The following CHSY1 variants were observed in gnomAD, a reference collection of about 807,000 sequenced individuals.
CHSY1 encodes the protein chondroitin sulfate synthase 1, also known as N-acetylgalactosaminyl-proteoglycan 3-beta-glucuronosyltransferase 1.
In CHSY1, 13 loss-of-function variants were observed where a neutral mutation model predicts 59.8. The observed-to-expected ratio is 0.22, with a 90% CI of 0.14 to 0.35. CHSY1 has a LOEUF of 0.35. Ranked by LOEUF, CHSY1 falls within the 10% of genes least tolerant of loss-of-function variation. The pLI, the probability that CHSY1 is intolerant of heterozygous loss-of-function variation, is 1.00. For missense variants in CHSY1, 947 were observed against 1,030.6 expected (o/e 0.92, Z 1.11); for synonymous variants, 459 against 401.2 (o/e 1.14, Z -1.72).
intron 2 of CHSY1, among the ~76,000 whole-genome samples, chr15:101,217,799 G>A (rs532411127): frequency 6.6e-6 from 1 of 152,282 alleles, no homozygotes; most frequent in African/African-American, 2.4e-5. Flanking sequence ...AAATCACATA[G>A]ATATTCCAAC....
rs35949707 is a variant in CHSY1 at position 101,237,055 on chromosome 15, T to TA, written c.321-1479dup. Among the ~76,000 whole-genome samples the TA allele has an allele frequency of 5.8e-3, 833 of 142,536 alleles. 11 individuals are homozygous for TA. The highest frequency in any genetic ancestry group is 0.018 in the African/African-American group (708 of 39,140). 93.5% of individuals were successfully genotyped at this position (142,536 alleles called of 152,430 possible). A position where few individuals can be genotyped will look rare whatever the true frequency, so the allele number is the denominator to read the frequency against. ...CAACATGGTGAAACCCCATCTCTAC[T>TA]AAAAAAAAAAATACAAAATTTAGCC... On this transcript the variant is annotated intron_variant, in intron 1 of 2. Transcript: ENST00000254190.
intron 2 of CHSY1, 21 bp from the exon 3 acceptor site, chr15:101,179,001 G>T: frequency 6.2e-7 from 1 of 1,611,982 alleles, no homozygotes; most frequent in South Asian, 1.1e-5. Context: ...AAAAAAAAGA[G>T]ATCACAAATT....
chr15:101,243,905 G>A (rs1300185710), intron 1 of CHSY1, among the ~76,000 whole-genome samples: 1 of 152,206 alleles, frequency 6.6e-6, no homozygotes, highest in East Asian at 1.9e-4. Flanking sequence ...GCCGAGCAAA[G>A]TGTAACAGTC....
chr15:101,205,890 T>C (rs959144810), intron 2 of CHSY1, among the ~76,000 whole-genome samples: 2 of 151,554 alleles, frequency 1.3e-5, no homozygotes, highest in African/African-American at 4.9e-5. Context: ...AGGCGGAGCT[T>C]GCAGTGAGCC....
chr15:101,217,749 A>T (rs1400516680), intron 2 of CHSY1, among the ~76,000 whole-genome samples: 1 of 152,226 alleles, frequency 6.6e-6, no homozygotes, highest in African/African-American at 2.4e-5. Context: ...CTGAACAAAT[A>T]AATGAGGAAG....
chr15:101,186,224 G>A (rs1453807357), intron 2 of CHSY1, among the ~76,000 whole-genome samples: 1 of 151,798 alleles, frequency 6.6e-6, no homozygotes, highest in East Asian at 1.9e-4. Context: ...AGAGGCTGAG[G>A]TGGGAGAATC....
intron 2 of CHSY1, among the ~76,000 whole-genome samples, chr15:101,205,290 T>A (rs2038613851): frequency 6.6e-6 from 1 of 152,132 alleles, no homozygotes; most frequent in African/African-American, 2.4e-5. Flanking sequence ...TTATAACCAA[T>A]AATTTCCAGT....
rs765253915 is a variant in CHSY1, at chr15:101,178,313, T to C, written c.1484A>G (p.Lys495Arg). 8.1e-6 allele frequency: 13 copies of C among 1,609,210 alleles called. No homozygotes were observed. In the South Asian group the frequency reaches 1.4e-4, roughly 18 times the overall value. Residue 495 changes from lysine (K) to arginine (R), a missense_variant, in exon 3 of 3, where the codon AAG becomes AGG. Lys to Arg is a conservative substitution (Grantham distance 26). Around this residue, in one of 4 missense-constraint regions of CHSY1, gnomAD observed 602 missense variants for 676.9 expected, o/e 0.89. Coordinates refer to ENST00000254190, the MANE Select transcript of CHSY1 (RefSeq NM_014918.5). ...GGATCCAGATTCCTGATTGATTCTC[T>C]TGGCCAACTCTTGTGCATCCAGCTC... ...HEELDAQELA[K>R]RINQESGSLS...
rs1170421913 is a variant in CHSY1, at chr15:101,230,220, G to T, written c.816+4862C>A. The stretch of plus-strand genomic sequence containing the variant: ...GCCTCCCAAAGTGCTGAGCCGCCAC[G>T]CCCGGCCCTAATACCCTACTTTTGA... On this transcript the variant is annotated intron_variant, in intron 2 of 2. Transcript: ENST00000254190. Among the ~76,000 whole-genome samples, 202 of 152,082 alleles carry T rather than the reference G, an allele frequency of 1.3e-3. 1 individual carries two copies. Among genetic ancestry groups the T allele is most frequent in the Non-Finnish European group, 3.1e-4 (21 of 68,010 alleles).
rs1482507791 is a variant in CHSY1, at chr15:101,251,907, C to T, written c.-451G>A. The T allele has an allele frequency of 1.3e-5, 2 of 151,258 alleles. No individual in the cohort carries two copies. Among genetic ancestry groups the T allele is most frequent in the Non-Finnish European group, 2.9e-5 (2 of 67,894 alleles). The allele number at this position is 151,258 out of a possible 1,614,324, so 9.4% of individuals were successfully genotyped here. A position where few individuals can be genotyped will look rare whatever the true frequency, so the allele number is the denominator to read the frequency against. ...TTCGTAGCCGGCGCCGCCGCCGCAG[C>T]TGCACATCCTCCGGCTTAGCTCGCC... On this transcript the variant is annotated 5_prime_UTR_variant, in exon 1 of 3. Transcript: ENST00000254190.
chr15:101,223,794 A>C (rs1175836566), intron 2 of CHSY1, among the ~76,000 whole-genome samples: 3 of 140,526 alleles, frequency 2.1e-5, no homozygotes, highest in Admixed American at 7.2e-5. Context: ...GGCCTCGTCT[A>C]CTACAGAGGA....
At chr15:101,188,079 C>G in intron 2 of CHSY1, 1 of 985,504 alleles carries the variant, frequency 1.0e-6, no homozygotes, top group Non-Finnish European at 1.2e-6. Context: ...TTCCTGTTAA[C>G]TGTTTACATG....
At chr15:101,184,457 T>C (rs1393580540) in intron 2 of CHSY1, among the ~76,000 whole-genome samples, 1 of 151,854 alleles carries the variant, frequency 6.6e-6, no homozygotes, top group Non-Finnish European at 1.5e-5. Flanking sequence ...CTCAGCTCAC[T>C]GCAACCTCCA....
chr15:101,218,023 G>T (rs1461552682), intron 2 of CHSY1, among the ~76,000 whole-genome samples: 1 of 152,172 alleles, frequency 6.6e-6, no homozygotes, highest in African/African-American at 2.4e-5. Context: ...GATGGAAATG[G>T]CATTTTATCT....
At chr15:101,245,271 G>A (rs2039039416) in intron 1 of CHSY1, among the ~76,000 whole-genome samples, 1 of 152,208 alleles carries the variant, frequency 6.6e-6, no homozygotes, top group Admixed American at 6.5e-5. Context: ...CTTTCCCATC[G>A]CTCCTTCACT....
intron 2 of CHSY1, among the ~76,000 whole-genome samples, chr15:101,221,820 G>GTT (rs1174412737): frequency 1.3e-5 from 2 of 151,582 alleles, no homozygotes; most frequent in Admixed American, 1.3e-4. Context: ...GAGTTTTTTT[G>GTT]TTTGTTTCTT....
At position 101,251,692 on chromosome 15, in the gene CHSY1, A is replaced by G. The variant is rs2039117037; in HGVS notation, c.-236T>C. The G allele has an allele frequency of 1.4e-5, 2 of 146,984 alleles. No homozygotes were observed. Among genetic ancestry groups the G allele is most frequent in the African/African-American group, 2.5e-5 (1 of 40,600 alleles). 9.1% of individuals were successfully genotyped at this position (146,984 alleles called of 1,614,324 possible). ...CCGCGGCCTGCGCCTTTAAGAGGGG[A>G]CCATGCCCGGCGCGCGCTAGCGGCG... is the stretch of plus-strand genomic sequence containing the variant. On this transcript the variant is annotated 5_prime_UTR_variant, in exon 1 of 3. Coordinates refer to ENST00000254190, the MANE Select transcript of CHSY1 (RefSeq NM_014918.5).
intron 2 of CHSY1, among the ~76,000 whole-genome samples, chr15:101,197,779 T>C (rs1244254578): frequency 6.6e-6 from 1 of 152,198 alleles, no homozygotes; most frequent in Non-Finnish European, 1.5e-5. Flanking sequence ...GAAGCCTATT[T>C]GAATCTCAAA....
intron 2 of CHSY1, among the ~76,000 whole-genome samples, chr15:101,232,920 C>G (rs577614558): frequency 2.6e-5 from 4 of 152,312 alleles, no homozygotes; most frequent in African/African-American, 9.6e-5. Flanking sequence ...TTTAAAGAAA[C>G]GCAGAGCAGC....
Sources: allele counts gnomAD v4.1 joint callset (sites outside exome capture counted in the v4.1 genomes callset), GRCh38; gene constraint gnomAD v4.1.1; regional missense constraint gnomAD v4.1.1; transcripts MANE v1.5; gene names NCBI Gene and HGNC (gene_info 2026-07-23, HGNC 2026-07-21).